The following SPAG9 variants were observed in gnomAD, a reference collection of about 807,000 sequenced individuals.
SPAG9 encodes sperm associated antigen 9.
A neutral mutation model predicts 166.5 loss-of-function variants in SPAG9; 35 were observed. That is an observed-to-expected ratio of 0.21 (90% CI 0.16 to 0.28). The LOEUF is 0.28. Among genes scored for constraint, SPAG9 ranks in the 10% least tolerant of loss-of-function variants. The pLI, the probability that SPAG9 is intolerant of heterozygous loss-of-function variation, is 1.00. For synonymous variants in SPAG9, 534 were observed against 565.5 expected (o/e 0.94, Z 0.79); for missense variants, 1,235 against 1,603.3 (o/e 0.77, Z 3.92).
chr17:51,074,128 C>A (rs559492114), intron 2 of SPAG9, among the ~76,000 whole-genome samples: 11 of 152,152 alleles, frequency 7.2e-5, no homozygotes, highest in South Asian at 6.2e-4. Flanking sequence ...CCCAGCTACT[C>A]GGGAGGCTGA....
rs184219213 is a variant in SPAG9 at position 51,088,776 on chromosome 17, C to T, written c.304-9072G>A. The stretch of plus-strand genomic sequence containing the variant: ...TCGTGCCACTGCACTCCAGCCTGGG[C>T]AACACAGTGAGACTCCGTCTCAAAA... On this transcript the variant is annotated intron_variant, in intron 1 of 29. Coordinates refer to ENST00000262013, the MANE Select transcript of SPAG9 (RefSeq NM_001130528.3). 4.7e-5 allele frequency among the ~76,000 whole-genome samples: 7 copies of T among 150,434 alleles called. No individual in the cohort carries two copies. The East Asian group carries it at 9.9e-4, about 21-fold the overall frequency.
At chr17:51,097,491 G>C (rs1164847844) in intron 1 of SPAG9, among the ~76,000 whole-genome samples, 1 of 152,092 alleles carries the variant, frequency 6.6e-6, no homozygotes, top group East Asian at 1.9e-4. Flanking sequence ...ATCAGCCTGG[G>C]CAACACAGCA....
chr17:51,018,134 A>C (rs1344240437), intron 8 of SPAG9, among the ~76,000 whole-genome samples: 1 of 151,950 alleles, frequency 6.6e-6, no homozygotes, highest in Admixed American at 6.6e-5. Context: ...ACTGGTGCTC[A>C]GGAGTTCAAA....
In SPAG9 at chr17:50,995,467, C is replaced by A; in HGVS notation, c.2035G>T (p.Asp679Tyr). ...LPVPVYLRPLDEKDTSMKLWC... is the reference protein window; with the variant it reads ...LPVPVYLRPLYEKDTSMKLWC... ...ACCTTCATTGATGTATCTTTTTCAT[C>A]CAGAGGTCTGAGATAGACAGGCACA... The change falls in exon 17 of 30, where the codon GAT becomes TAT. Residue 679 changes from aspartate (D) to tyrosine (Y), a missense_variant. Transcript: ENST00000262013. The A allele has an allele frequency of 1.9e-6, 3 of 1,608,902 alleles. No homozygotes were observed. The highest frequency in any genetic ancestry group is 1.7e-6 in the Non-Finnish European group (2 of 1,175,658).
At chr17:51,043,703 G>T (rs1223772261) in intron 4 of SPAG9, among the ~76,000 whole-genome samples, 1 of 152,082 alleles carries the variant, frequency 6.6e-6, no homozygotes, top group African/African-American at 2.4e-5. Flanking sequence ...AGGTGACTGG[G>T]AATTTAATGA....
intron 2 of SPAG9, among the ~76,000 whole-genome samples, chr17:51,075,401 T>C (rs918315799): frequency 3.9e-5 from 6 of 152,086 alleles, no homozygotes; most frequent in African/African-American, 1.4e-4. Flanking sequence ...TTTTTGAGTG[T>C]GAGACATTTT....
intron 4 of SPAG9, among the ~76,000 whole-genome samples, chr17:51,044,240 G>A (rs1445496462): frequency 6.6e-6 from 1 of 152,092 alleles, no homozygotes; most frequent in East Asian, 1.9e-4. Context: ...AACCCTGAAA[G>A]GTAAACATTA....
chr17:51,049,475 AGAC>A (rs2047122347), intron 3 of SPAG9, among the ~76,000 whole-genome samples: 1 of 152,110 alleles, frequency 6.6e-6, no homozygotes, highest in Admixed American at 6.5e-5. Flanking sequence ...CAGGAGTTTG[AGAC>A]CAACCTGAGC....
At chr17:51,045,574 C>G (rs2046989613) in intron 4 of SPAG9, among the ~76,000 whole-genome samples, 1 of 151,884 alleles carries the variant, frequency 6.6e-6, no homozygotes, top group South Asian at 2.1e-4. Flanking sequence ...TTATCTAAAT[C>G]TACAATTAGG....
chr17:50,994,201 T>C (rs1427674269), intron 18 of SPAG9, among the ~76,000 whole-genome samples: 17 of 152,150 alleles, frequency 1.1e-4, no homozygotes, highest in Admixed American at 1.1e-3. Flanking sequence ...CATGCTATTC[T>C]CGTGATAGTG....
At chr17:51,101,032 T>C (rs578104595) in intron 1 of SPAG9, among the ~76,000 whole-genome samples, 7 of 151,876 alleles carry the variant, frequency 4.6e-5, no homozygotes, top group African/African-American at 1.2e-4. Flanking sequence ...AGAGAAACCA[T>C]AGGCAATCGT....
rs1212052311 is a variant in SPAG9, at chr17:50,962,714, A to G, written c.*3558T>C. ...CAGTTCCATGGCATTTGCAAGACAC[A>G]TGTTCTTTAGGACAGTTAATATTAT... is the stretch of plus-strand genomic sequence containing the variant. On this transcript the variant is annotated 3_prime_UTR_variant, in exon 30 of 30. Coordinates refer to ENST00000262013, the MANE Select transcript of SPAG9 (RefSeq NM_001130528.3). 1 of 152,210 alleles carries G rather than the reference A, an allele frequency of 6.6e-6. No homozygotes were observed. The highest frequency in any genetic ancestry group is 2.4e-5 in the African/African-American group (1 of 41,444). 9.4% of individuals were successfully genotyped at this position (152,210 alleles called of 1,614,324 possible).
At position 51,120,318 on chromosome 17, in the gene SPAG9, C is replaced by T; in HGVS notation, c.303+36G>A. On this transcript the variant is annotated intron_variant, in intron 1 of 29. Coordinates refer to ENST00000262013, the MANE Select transcript of SPAG9 (RefSeq NM_001130528.3). The surrounding 1 kb of genome is among the most constrained non-coding windows in gnomAD (Gnocchi z 4.7). ...ACCCCGCCCCGGCCGCCCCCGGAGA[C>T]GGATCCCGCGGCCCCCGCCCTGCCG... The T allele has an allele frequency of 1.3e-6, 2 of 1,490,540 alleles. No individual in the cohort carries two copies. Among genetic ancestry groups the T allele is most frequent in the Non-Finnish European group, 1.8e-6 (2 of 1,119,312 alleles). The allele number at this position is 1,490,540 out of a possible 1,614,324, so 92.3% of individuals were successfully genotyped here. A position where few individuals can be genotyped will look rare whatever the true frequency, so the allele number is the denominator to read the frequency against.
At chr17:51,113,558 T>C (rs186974034) in intron 1 of SPAG9, among the ~76,000 whole-genome samples, 96 of 151,266 alleles carry the variant, frequency 6.3e-4, no homozygotes, top group African/African-American at 2.2e-3. Context: ...TGAGCACCTG[T>C]AGTCCCAGCT....
intron 28 of SPAG9, among the ~76,000 whole-genome samples, chr17:50,972,478 T>A (rs1973897565): frequency 6.6e-6 from 1 of 152,246 alleles, no homozygotes; most frequent in South Asian, 2.1e-4. Flanking sequence ...TAAGGTAGAA[T>A]CCTTGAGTGT....
At chr17:51,054,429 T>C (rs1313295456) in intron 3 of SPAG9, among the ~76,000 whole-genome samples, 1 of 146,840 alleles carries the variant, frequency 6.8e-6, no homozygotes, top group Admixed American at 6.7e-5. Flanking sequence ...AGCCAAAATG[T>C]GGGTTTTTTT....
chr17:51,116,899 C>T (rs959431972), intron 1 of SPAG9, among the ~76,000 whole-genome samples: 3 of 152,234 alleles, frequency 2.0e-5, no homozygotes, highest in Middle Eastern at 3.4e-3. Flanking sequence ...GAGGAGCTAG[C>T]TATGTAAAAT....
chr17:51,093,304 T>C (rs948297833), intron 1 of SPAG9, among the ~76,000 whole-genome samples: 1 of 151,832 alleles, frequency 6.6e-6, no homozygotes, highest in African/African-American at 2.4e-5. Context: ...AAAGCAAATA[T>C]GCAGAAAGGG....
intron 2 of SPAG9, among the ~76,000 whole-genome samples, chr17:51,061,544 A>G (rs992773435): frequency 4.0e-5 from 5 of 126,370 alleles, no homozygotes; most frequent in South Asian, 2.8e-4. Context: ...TGGGAGGTGG[A>G]GGTTGCAGTG....
Sources: allele counts gnomAD v4.1 joint callset (sites outside exome capture counted in the v4.1 genomes callset), GRCh38; gene constraint gnomAD v4.1.1; non-coding constraint Gnocchi (gnomAD v3.1); transcripts MANE v1.5; gene names NCBI Gene and HGNC (gene_info 2026-07-23, HGNC 2026-07-21).